The following NHSL1 variants were observed in gnomAD, a reference collection of about 807,000 sequenced individuals.
NHSL1 encodes NHS-like protein 1.
A neutral mutation model predicts 95.0 loss-of-function variants in NHSL1; 48 were observed. The observed-to-expected ratio is 0.51, with a 90% confidence interval of 0.40 to 0.64. NHSL1 has a LOEUF of 0.64. Ranked by LOEUF, NHSL1 falls within the 30% of genes least tolerant of loss-of-function variation. The pLI, the probability that NHSL1 is intolerant of heterozygous loss-of-function variation, is 0.00. For synonymous variants in NHSL1, 783 were observed against 833.9 expected (o/e 0.94, Z 1.05); for missense variants, 1,971 against 2,077.7 (o/e 0.95, Z 1.00).
chr6:138,657,754 G>A (rs1468700198), intron 1 of NHSL1, among the ~76,000 whole-genome samples: 2 of 144,326 alleles, frequency 1.4e-5, no homozygotes, highest in Non-Finnish European at 3.0e-5. Context: ...GGCAGAGCTT[G>A]CAGTGAGCCG....
intron 1 of NHSL1, among the ~76,000 whole-genome samples, chr6:138,653,297 T>C (rs1785115160): frequency 6.6e-6 from 1 of 152,208 alleles, no homozygotes; most frequent in Non-Finnish European, 1.5e-5. Context: ...GGCTCAAGCC[T>C]GTAATCTCAG....
At chr6:138,643,408 GT>G (rs1192494041) in intron 1 of NHSL1, among the ~76,000 whole-genome samples, 1 of 152,102 alleles carries the variant, frequency 6.6e-6, no homozygotes, top group Non-Finnish European at 1.5e-5. Context: ...AGAGTCCATA[GT>G]TCACATTAGG....
At chr6:138,509,324 A>G (rs200563849) in intron 1 of NHSL1, among the ~76,000 whole-genome samples, 1 of 152,368 alleles carries the variant, frequency 6.6e-6, no homozygotes, top group East Asian at 1.9e-4. Flanking sequence ...GTCAAAGTAT[A>G]CTATGATGAT....
intron 1 of NHSL1, among the ~76,000 whole-genome samples, chr6:138,600,071 G>C (rs1380937706): frequency 1.3e-5 from 2 of 151,984 alleles, no homozygotes; most frequent in Non-Finnish European, 2.9e-5. Flanking sequence ...TTGAATCCAG[G>C]AGGCAGAGGT....
At chr6:138,622,297 T>TC (rs1302875112) in intron 1 of NHSL1, among the ~76,000 whole-genome samples, 1 of 151,668 alleles carries the variant, frequency 6.6e-6, no homozygotes, top group Non-Finnish European at 1.5e-5. Flanking sequence ...GGTCAGGAGA[T>TC]CGAGACTATC....
chr6:138,560,059 T>C (rs2034506101), intron 1 of NHSL1, among the ~76,000 whole-genome samples: 4 of 152,218 alleles, frequency 2.6e-5, no homozygotes, highest in Admixed American at 2.6e-4. Flanking sequence ...TTTCCCCCAT[T>C]TGAAACAAGC....
At chr6:138,439,924 G>A (rs1263200437) in intron 5 of NHSL1, among the ~76,000 whole-genome samples, 6 of 152,164 alleles carry the variant, frequency 3.9e-5, no homozygotes, top group Non-Finnish European at 7.3e-5. Flanking sequence ...TATCTAGCTG[G>A]CCAGAACATT....
intron 3 of NHSL1, among the ~76,000 whole-genome samples, chr6:138,472,916 T>A (rs1778843498): frequency 6.6e-6 from 1 of 152,192 alleles, no homozygotes; most frequent in Non-Finnish European, 1.5e-5. Flanking sequence ...TACAACTGAG[T>A]CCTTGGTCAT....
chr6:138,625,641 TAA>T lies in NHSL1; in HGVS notation c.96+66833_96+66834del, dbSNP rs57534545. Among the ~76,000 whole-genome samples the T allele has an allele frequency of 6.6e-3, 914 of 138,778 alleles. 14 individuals carry two copies. In the East Asian group the frequency reaches 0.078, roughly 12 times the overall value. The allele number at this position is 138,778 out of a possible 152,430, so 91.0% of individuals were successfully genotyped here. A position where few individuals can be genotyped will look rare whatever the true frequency, so the allele number is the denominator to read the frequency against. On this transcript the variant is annotated intron_variant, in intron 1 of 3. Transcript: ENST00000491526. ...GTACTTGTTTTTGTGCTTTTTTAAT[TAA>T]AAAAAAAAAAAAAAAAATTAGAGAC...
chr6:138,437,331 T>C lies in NHSL1; in HGVS notation c.665-3651A>G, dbSNP rs112680133. On this transcript the variant is annotated intron_variant, in intron 5 of 7. Coordinates refer to ENST00000343505, the MANE Select transcript of NHSL1 (RefSeq NM_001144060.2). ...ATATATATATATATACACACACACATATATATATATACACATATATATATA... is the reference window on the plus strand; with the variant it reads ...ATATATATATATATACACACACACACATATATATATACACATATATATATA... Among the ~76,000 whole-genome samples, 52 of 57,980 alleles carry C rather than the reference T, an allele frequency of 9.0e-4. 3 individuals carry two copies. The highest frequency in any genetic ancestry group is 3.0e-3 in the African/African-American group (39 of 13,010). The allele number at this position is 57,980 out of a possible 152,430, so 38.0% of individuals were successfully genotyped here.
intron 5 of NHSL1, among the ~76,000 whole-genome samples, chr6:138,437,307 TATATATATATATACAC>T (rs1207702312): frequency 7.4e-5 from 9 of 120,970 alleles, no homozygotes; most frequent in African/African-American, 3.2e-4. Context: ...TATATATATA[TATATATATATATACAC>T]ACACACATAT....
At chr6:138,503,404 AC>A (rs1780790830), upstream of NHSL1, among the ~76,000 whole-genome samples, 1 of 152,174 alleles carries the variant, frequency 6.6e-6, no homozygotes, top group African/African-American at 2.4e-5. Context: ...GCAAATTATG[AC>A]CCTCTGGCCA....
chr6:138,449,726 A>G (rs1359311391), intron 3 of NHSL1, among the ~76,000 whole-genome samples: 4 of 152,068 alleles, frequency 2.6e-5, no homozygotes, highest in Non-Finnish European at 5.9e-5. Flanking sequence ...TATAAATATG[A>G]CTTTAGAAAA....
intron 1 of NHSL1, among the ~76,000 whole-genome samples, chr6:138,622,093 C>T (rs1583453581): frequency 6.6e-6 from 1 of 152,118 alleles, no homozygotes; most frequent in South Asian, 2.1e-4. Flanking sequence ...AATCGAAGAA[C>T]TTCAGAGTGT....
intron 3 of NHSL1, among the ~76,000 whole-genome samples, chr6:138,450,692 C>G (rs541922042): frequency 6.6e-6 from 1 of 152,344 alleles, no homozygotes; most frequent in African/African-American, 2.4e-5. Flanking sequence ...GTAAAGTGCT[C>G]CTTTCTCTTA....
At chr6:138,648,740 C>G (rs1785051480) in intron 1 of NHSL1, among the ~76,000 whole-genome samples, 1 of 152,184 alleles carries the variant, frequency 6.6e-6, no homozygotes, top group Non-Finnish European at 1.5e-5. Flanking sequence ...GGAGCCCTCA[C>G]TGTAACAGAT....
chr6:138,578,807 C>T (rs1488231889), intron 1 of NHSL1, among the ~76,000 whole-genome samples: 6 of 152,060 alleles, frequency 3.9e-5, no homozygotes, highest in Non-Finnish European at 7.4e-5. Flanking sequence ...CTCCTAGAAG[C>T]GCCCAAGTGA....
intron 3 of NHSL1, among the ~76,000 whole-genome samples, chr6:138,466,671 T>C (rs903315248): frequency 6.6e-6 from 1 of 152,184 alleles, no homozygotes; most frequent in Non-Finnish European, 1.5e-5. Context: ...GCTGAGAAAT[T>C]TCTATTGCCT....
chr6:138,423,276 C>G lies in NHSL1; in HGVS notation c.*805G>C, dbSNP rs530091117. 2 of 152,322 alleles carry G rather than the reference C, an allele frequency of 1.3e-5. No individual in the cohort carries two copies. Among genetic ancestry groups the G allele is most frequent in the East Asian group, 3.9e-4 (2 of 5,188 alleles). The allele number at this position is 152,322 out of a possible 1,614,324, so 9.4% of individuals were successfully genotyped here. A position where few individuals can be genotyped will look rare whatever the true frequency, so the allele number is the denominator to read the frequency against. On this transcript the variant is annotated 3_prime_UTR_variant, in exon 8 of 8. Coordinates refer to ENST00000343505, the MANE Select transcript of NHSL1 (RefSeq NM_001144060.2). ...TCTCTCTATGTCCACACCATCACTT[C>G]AGTTGTCAATGACCTCAGCTGCTAC...
Sources: gnomAD v4.1 joint callset for allele counts (sites outside exome capture counted in the v4.1 genomes callset) on GRCh38, gnomAD v4.1.1 for gene constraint, MANE v1.5 for transcripts, NCBI Gene and HGNC (gene_info 2026-07-23, HGNC 2026-07-21) for gene names.